IL1RAPL2: variants seen among roughly 807,000 people sequenced by gnomAD.
IL1RAPL2 encodes the protein X-linked interleukin-1 receptor accessory protein-like 2.
IL1RAPL2 carries 3 observed loss-of-function variants against 44.1 expected under a neutral mutation model. The observed-to-expected ratio is 0.07, with a 90% CI of 0.03 to 0.18. The LOEUF is 0.18. Among genes scored for constraint, IL1RAPL2 ranks in the 10% least tolerant of loss-of-function variants. The probability of loss-of-function intolerance (pLI) is 1.00; values close to 1 mark genes in which losing one functional copy is unlikely to be tolerated. For synonymous variants in IL1RAPL2, 181 were observed against 178.8 expected (o/e 1.01, Z -0.10); for missense variants, 391 against 496.4 (o/e 0.79, Z 2.02).
chrX:104,831,347 C>T (rs1921600563), intron 2 of IL1RAPL2, among the ~76,000 whole-genome samples: 1 of 111,348 alleles, frequency 9.0e-6, no homozygotes, highest in South Asian at 3.8e-4. Flanking sequence ...TTACTGAGTG[C>T]TAATAATTTG....
chrX:105,518,071 G>A (rs1330183917), intron 6 of IL1RAPL2, among the ~76,000 whole-genome samples: 3 of 111,282 alleles, frequency 2.7e-5, no homozygotes, highest in African/African-American at 6.5e-5. Context: ...AGTGAAAGAA[G>A]TCATGAATGG....
chrX:105,621,540 G>A (rs1459449367), intron 6 of IL1RAPL2, among the ~76,000 whole-genome samples: 2 of 111,410 alleles, frequency 1.8e-5, no homozygotes, highest in Non-Finnish European at 3.8e-5. Flanking sequence ...CAAGCCCAAG[G>A]TAAAACAAAT....
intron 5 of IL1RAPL2, among the ~76,000 whole-genome samples, chrX:105,478,982 G>C (rs756669143): frequency 8.9e-6 from 1 of 112,233 alleles, no homozygotes; most frequent in Admixed American, 9.5e-5. Flanking sequence ...AGTAGTACAT[G>C]TCATGAACCA....
At chrX:105,271,915 C>T (rs1413106820) in intron 5 of IL1RAPL2, among the ~76,000 whole-genome samples, 1 of 108,464 alleles carries the variant, frequency 9.2e-6, no homozygotes, top group Non-Finnish European at 1.9e-5. Context: ...GCTGAAGTTG[C>T]TTATCAGCTT....
intron 2 of IL1RAPL2, among the ~76,000 whole-genome samples, chrX:104,801,453 T>A (rs866084643): frequency 9.6e-6 from 1 of 104,165 alleles, no homozygotes; most frequent in African/African-American, 3.5e-5. Flanking sequence ...GTTTTTTTTT[T>A]GTTTGTTTTG....
intron 2 of IL1RAPL2, among the ~76,000 whole-genome samples, chrX:105,083,000 C>T (rs996228841): frequency 9.0e-6 from 1 of 110,778 alleles, no homozygotes; most frequent in African/African-American, 3.3e-5. Flanking sequence ...ATAATGAACT[C>T]CTCCAAGCTA....
At chrX:105,155,152 G>A (rs1048453844) in intron 2 of IL1RAPL2, among the ~76,000 whole-genome samples, 5 of 111,295 alleles carry the variant, frequency 4.5e-5, no homozygotes, top group African/African-American at 1.3e-4. Flanking sequence ...GGCTTCCATG[G>A]TGCTTACCCC....
chrX:104,701,922 A>G (rs1432903213), intron 2 of IL1RAPL2, among the ~76,000 whole-genome samples: 1 of 112,066 alleles, frequency 8.9e-6, no homozygotes, highest in Non-Finnish European at 1.9e-5. Context: ...TTGCTGGGAT[A>G]GTAATGCTGA....
chrX:105,516,770 C>A (rs1033589842), intron 6 of IL1RAPL2, among the ~76,000 whole-genome samples: 1 of 111,769 alleles, frequency 8.9e-6, no homozygotes, highest in Non-Finnish European at 1.9e-5. Context: ...CAGCCACATG[C>A]CTTGGGTTAC....
intron 2 of IL1RAPL2, among the ~76,000 whole-genome samples, chrX:105,019,545 G>A (rs1370988564): frequency 1.8e-5 from 2 of 111,557 alleles, no homozygotes; most frequent in African/African-American, 6.5e-5. Context: ...CTCTGTTCTT[G>A]AAACATAACA....
At chrX:104,653,822 A>C (rs1930199805) in intron 1 of IL1RAPL2, among the ~76,000 whole-genome samples, 1 of 111,428 alleles carries the variant, frequency 9.0e-6, no homozygotes, top group East Asian at 2.8e-4. Context: ...CATGTCATCC[A>C]GAGGCTATTG....
chrX:104,792,221 T>C (rs774010455), intron 2 of IL1RAPL2, among the ~76,000 whole-genome samples: 14 of 111,181 alleles, frequency 1.3e-4, no homozygotes, highest in South Asian at 3.8e-4. Flanking sequence ...GATCTTACTC[T>C]AGTAAGATGA....
chrX:105,218,880 G>GCCCCC, intron 3 of IL1RAPL2: 1 of 844,939 alleles, frequency 1.2e-6, no homozygotes, highest in Non-Finnish European at 1.7e-6. Context: ...TACCACCCCG[G>GCCCCC]CCCCCGCCAC....
chrX:105,655,391 A>T (rs2147844909), intron 6 of IL1RAPL2, among the ~76,000 whole-genome samples: 1 of 112,791 alleles, frequency 8.9e-6, no homozygotes, highest in African/African-American at 3.2e-5. Context: ...ATTACAAAAT[A>T]ATCATTTCTA....
At chrX:104,791,848 A>G (rs1006083820) in intron 2 of IL1RAPL2, among the ~76,000 whole-genome samples, 2 of 111,114 alleles carry the variant, frequency 1.8e-5, no homozygotes, top group African/African-American at 6.6e-5. Flanking sequence ...TAAGAACCCT[A>G]TCTCTACTTT....
chrX:104,699,292 A>T (rs757353971), intron 2 of IL1RAPL2, among the ~76,000 whole-genome samples: 4 of 111,649 alleles, frequency 3.6e-5, no homozygotes, highest in African/African-American at 6.5e-5. Context: ...ATGTAGAATC[A>T]GTGGGAGCCC....
At chrX:104,636,448 C>G (rs979593884) in intron 1 of IL1RAPL2, among the ~76,000 whole-genome samples, 1 of 112,424 alleles carries the variant, frequency 8.9e-6, no homozygotes, top group African/African-American at 3.2e-5. Context: ...GAGGTGGAGT[C>G]TACAGATGCA....
chrX:104,952,972 C>T (rs1224769738), intron 2 of IL1RAPL2, among the ~76,000 whole-genome samples: 2 of 111,981 alleles, frequency 1.8e-5, no homozygotes, highest in African/African-American at 6.5e-5. Flanking sequence ...GCCAATTTGT[C>T]ATTCTTGGAT....
At chrX:105,044,082 C>T (rs765004985) in intron 2 of IL1RAPL2, among the ~76,000 whole-genome samples, 4 of 111,280 alleles carry the variant, frequency 3.6e-5, no homozygotes, top group African/African-American at 9.8e-5. Flanking sequence ...TGCATTAAAC[C>T]TTGTACTCAG....
Sources: allele counts gnomAD v4.1 joint callset (sites outside exome capture counted in the v4.1 genomes callset), GRCh38; gene constraint gnomAD v4.1.1; transcripts MANE v1.5; gene names NCBI Gene and HGNC (gene_info 2026-07-23, HGNC 2026-07-21).